Variants in DTWD2 observed in about 807,000 individuals in gnomAD.
DTWD2 encodes the protein DTW motif tRNA-uridine aminocarboxypropyltransferase 2.
In DTWD2, 39 loss-of-function variants were observed where a neutral mutation model predicts 31.8. That is an observed-to-expected ratio of 1.22 (90% CI 0.95 to 1.60). DTWD2 has a LOEUF of 1.60. Among genes scored for constraint, DTWD2 ranks in the 40% most tolerant of loss-of-function variants. DTWD2 has a pLI of 0.00. For missense variants in DTWD2, 515 were observed against 381.5 expected, an observed-to-expected ratio of 1.35 and a Z score of -2.92; for synonymous variants, 180 against 142.8, an observed-to-expected ratio of 1.26 and a Z score of -1.86.
chr5:118,924,597 A>T (rs528547150), intron 4 of DTWD2, among the ~76,000 whole-genome samples: 1 of 152,370 alleles, frequency 6.6e-6, no homozygotes, highest in Non-Finnish European at 1.5e-5. Flanking sequence ...AAATCTTGCA[A>T]TATACTAAAA....
At chr5:118,969,184 A>G (rs1754924045) in intron 1 of DTWD2, among the ~76,000 whole-genome samples, 1 of 151,554 alleles carries the variant, frequency 6.6e-6, no homozygotes, top group Non-Finnish European at 1.5e-5. Flanking sequence ...CTGAGCCACC[A>G]AGAGGGGAGG....
intron 4 of DTWD2, among the ~76,000 whole-genome samples, chr5:118,899,688 G>A (rs112214134): frequency 0.016 from 2,459 of 151,852 alleles, 84 homozygotes; most frequent in African/African-American, 0.056. Context: ...CTGTCATTAT[G>A]CCCTCCCTAC....
chr5:118,943,709 G>C (rs2149585810), intron 2 of DTWD2, among the ~76,000 whole-genome samples: 1 of 152,314 alleles, frequency 6.6e-6, no homozygotes, highest in Non-Finnish European at 1.5e-5. Flanking sequence ...CTGTACTCCA[G>C]CCTGGGTGAC....
intron 1 of DTWD2, among the ~76,000 whole-genome samples, chr5:118,979,437 A>C (rs1755243511): frequency 1.3e-5 from 2 of 152,342 alleles, no homozygotes; most frequent in African/African-American, 4.8e-5. Flanking sequence ...CCATTGTGGA[A>C]GATAATGGGG....
In DTWD2 at chr5:118,917,147, T is replaced by C. The variant is rs528127446; in HGVS notation, c.597+11390A>G. ...AAACCAAGTATCAAGATAGTTGAGA[T>C]AGACAAGAAATCTCAAATTCGGGTT... On this transcript the variant is annotated intron_variant, in intron 4 of 5. Coordinates refer to ENST00000510708, the MANE Select transcript of DTWD2 (RefSeq NM_173666.4). 3.3e-5 allele frequency among the ~76,000 whole-genome samples: 5 copies of C among 152,346 alleles called. No individual in the cohort carries two copies. In the South Asian group the frequency reaches 8.3e-4, roughly 25 times the overall value.
chr5:118,908,633 C>T (rs1753387464), intron 4 of DTWD2, among the ~76,000 whole-genome samples: 1 of 150,894 alleles, frequency 6.6e-6, no homozygotes, highest in Non-Finnish European at 1.5e-5. Context: ...AAAACAAATG[C>T]ATCCCACACC....
chr5:118,841,475 T>C (rs1355649567), intron 5 of DTWD2, among the ~76,000 whole-genome samples: 1 of 152,184 alleles, frequency 6.6e-6, no homozygotes, highest in Non-Finnish European at 1.5e-5. Context: ...ATTCAGTTTC[T>C]ATGACAAATT....
intron 4 of DTWD2, among the ~76,000 whole-genome samples, chr5:118,895,729 T>C (rs1753070599): frequency 1.3e-5 from 2 of 152,140 alleles, no homozygotes; most frequent in Non-Finnish European, 2.9e-5. Flanking sequence ...AGACAACTCC[T>C]TTTCAACAGA....
intron 4 of DTWD2, among the ~76,000 whole-genome samples, chr5:118,868,663 C>A (rs1752434176): frequency 6.6e-6 from 1 of 151,908 alleles, no homozygotes; most frequent in Admixed American, 6.6e-5. Context: ...GACAGTGAGA[C>A]TCTGTCTCTA....
rs146961885 is a variant in DTWD2 at position 118,966,983 on chromosome 5, A to G, written c.218+21311T>C. Among the ~76,000 whole-genome samples, 645 of 151,194 alleles carry G rather than the reference A, an allele frequency of 4.3e-3. 4 individuals carry two copies. Among genetic ancestry groups the G allele is most frequent in the African/African-American group, 0.015 (613 of 41,138 alleles). On this transcript the variant is annotated intron_variant, in intron 1 of 5. Transcript: ENST00000510708. ...GAGGTAGAGGTTGCAGTGAGCCAAG[A>G]TTACGCCACTGCACTCCAGCAGAGC...
chr5:118,853,291 C>A (rs1752054862), intron 4 of DTWD2, among the ~76,000 whole-genome samples: 1 of 152,152 alleles, frequency 6.6e-6, no homozygotes, highest in Admixed American at 6.5e-5. Context: ...TGCTTATACA[C>A]TGTTGTTAAG....
chr5:118,902,725 T>G (rs1177826746), intron 4 of DTWD2, among the ~76,000 whole-genome samples: 11 of 152,116 alleles, frequency 7.2e-5, no homozygotes, highest in African/African-American at 2.7e-4. Context: ...ACAGTGTTCT[T>G]AATAACTACT....
At chr5:118,929,052 G>A (rs1367553507) in intron 3 of DTWD2, among the ~76,000 whole-genome samples, 1 of 152,130 alleles carries the variant, frequency 6.6e-6, no homozygotes, top group African/African-American at 2.4e-5. Flanking sequence ...TACTTCATGT[G>A]TAATCTGATC....
chr5:118,879,148 A>G (rs899138583), intron 4 of DTWD2, among the ~76,000 whole-genome samples: 5 of 152,202 alleles, frequency 3.3e-5, no homozygotes, highest in Admixed American at 2.6e-4. Flanking sequence ...TATATACCCA[A>G]TGGAATATAA....
intron 4 of DTWD2, among the ~76,000 whole-genome samples, chr5:118,852,013 C>T (rs534047075): frequency 1.3e-5 from 2 of 152,132 alleles, no homozygotes; most frequent in African/African-American, 2.4e-5. Flanking sequence ...CCCAGAGTGG[C>T]GGTTTATAGA....
At chr5:118,987,021 A>G (rs777971735) in intron 1 of DTWD2, among the ~76,000 whole-genome samples, 1 of 152,214 alleles carries the variant, frequency 6.6e-6, no homozygotes. Flanking sequence ...AATCTCTGCT[A>G]AACAGATTTT....
intron 1 of DTWD2, among the ~76,000 whole-genome samples, chr5:118,971,226 T>C (rs1339780445): frequency 3.3e-5 from 5 of 152,116 alleles, no homozygotes. Context: ...CTGTATGCTA[T>C]CTTCAAGAGA....
chr5:118,988,254 C>T (rs1755476042), intron 1 of DTWD2, 40 bp downstream of exon 1: 1 of 1,530,818 alleles, frequency 6.5e-7, no homozygotes, highest in African/African-American at 1.4e-5. Flanking sequence ...CTCCGAAGGC[C>T]GCTGCCGGCT....
chr5:118,884,996 CA>C (rs36042211), intron 4 of DTWD2, among the ~76,000 whole-genome samples: 78 of 49,746 alleles, frequency 1.6e-3, no homozygotes, highest in East Asian at 3.4e-3. Flanking sequence ...ACTCCATCTC[CA>C]AAAAAAAAAA....
Sources: gnomAD v4.1 joint callset for allele counts (sites outside exome capture counted in the v4.1 genomes callset) on GRCh38, gnomAD v4.1.1 for gene constraint, MANE v1.5 for transcripts, NCBI Gene and HGNC (gene_info 2026-07-23, HGNC 2026-07-21) for gene names.